The following PRKCI variants were observed in gnomAD, a reference collection of about 807,000 sequenced individuals.
PRKCI encodes the protein protein kinase C iota type.
A neutral mutation model predicts 84.0 loss-of-function variants in PRKCI; 43 were observed. The ratio of observed to expected loss-of-function variants is 0.51; its 90% CI spans 0.40 to 0.66. The LOEUF (loss-of-function observed/expected upper bound fraction) is 0.66. PRKCI is among the 30% of genes least tolerant of loss of function. The pLI, the probability that PRKCI is intolerant of heterozygous loss-of-function variation, is 0.00. For missense variants in PRKCI, 459 were observed against 745.6 expected, an observed-to-expected ratio of 0.62 and a Z score of 4.48; for synonymous variants, 216 against 234.4, an observed-to-expected ratio of 0.92 and a Z score of 0.72.
intron 4 of PRKCI, among the ~76,000 whole-genome samples, chr3:170,267,448 C>T (rs969898680): frequency 2.6e-5 from 4 of 151,660 alleles, no homozygotes; most frequent in Admixed American, 6.6e-5. Flanking sequence ...CCGAGGCGGG[C>T]GGATCATCTG....
intron 8 of PRKCI, among the ~76,000 whole-genome samples, chr3:170,277,576 C>T (rs1472705311): frequency 6.6e-6 from 1 of 151,854 alleles, no homozygotes; most frequent in Non-Finnish European, 1.5e-5. Context: ...CGCCTGTAGT[C>T]CCAGCTGCTC....
intron 6 of PRKCI, among the ~76,000 whole-genome samples, chr3:170,271,826 G>T (rs1458482636): frequency 6.6e-6 from 1 of 151,998 alleles, no homozygotes; most frequent in Non-Finnish European, 1.5e-5. Flanking sequence ...ACATGTGCTT[G>T]CCTGTGTCTT....
intron 17 of PRKCI, among the ~76,000 whole-genome samples, chr3:170,302,544 ACCTCTCC>A (rs1560188750): frequency 6.6e-6 from 1 of 151,794 alleles, no homozygotes; most frequent in African/African-American, 2.4e-5. Context: ...CAAAATGCCA[ACCTCTCC>A]CCTCTCTGTG....
At chr3:170,287,324 AATAT>A (rs67743862) in intron 12 of PRKCI, among the ~76,000 whole-genome samples, 16 of 149,922 alleles carry the variant, frequency 1.1e-4, no homozygotes, top group African/African-American at 3.7e-4. Flanking sequence ...TCCTATCTAA[AATAT>A]ATATATATAT....
chr3:170,262,598 A>T (rs1407710641), intron 3 of PRKCI, among the ~76,000 whole-genome samples: 8 of 152,240 alleles, frequency 5.3e-5, no homozygotes, highest in Admixed American at 2.0e-4. Context: ...CCCGGGCCTC[A>T]GCCTCCTAGG....
intron 12 of PRKCI, 77 bp from the exon 13 acceptor site, chr3:170,291,777 G>C (rs951358882): frequency 1.8e-6 from 2 of 1,113,322 alleles, no homozygotes; most frequent in East Asian, 2.4e-5. Flanking sequence ...GAACTTATAT[G>C]ATAGGTGAAA....
intron 2 of PRKCI, among the ~76,000 whole-genome samples, chr3:170,240,073 G>A (rs1221112748): frequency 6.6e-6 from 1 of 152,016 alleles, no homozygotes; most frequent in Admixed American, 6.6e-5. Context: ...AAGGTGGAAG[G>A]ATTGCTTGAG....
At chr3:170,242,781 C>G (rs1341424191) in intron 2 of PRKCI, among the ~76,000 whole-genome samples, 1 of 151,840 alleles carries the variant, frequency 6.6e-6, no homozygotes, top group African/African-American at 2.4e-5. Flanking sequence ...AGCGATTGTC[C>G]TGCCTCAACC....
Position 170,303,400 on chromosome 3 carries a change from TTTTG to T in PRKCI, c.*277_*280del, listed in dbSNP as rs1734870911. 1 of 255,658 alleles carries T rather than the reference TTTTG, an allele frequency of 3.9e-6. No individual in the cohort carries two copies. The highest frequency in any genetic ancestry group is 6.8e-6 in the Non-Finnish European group (1 of 146,994). 15.8% of individuals were successfully genotyped at this position (255,658 alleles called of 1,614,324 possible). On this transcript the variant is annotated 3_prime_UTR_variant, in exon 18 of 18. Transcript: ENST00000295797. ...TACAGATGAGTAATGAAGTTATCTTTTTTGTTTAAAAAAAAAAAAAACACTGCAT... is the reference window on the plus strand; with the variant it reads ...TACAGATGAGTAATGAAGTTATCTTTTTTAAAAAAAAAAAAAACACTGCAT...
chr3:170,291,428 G>A (rs1734548207), intron 12 of PRKCI, among the ~76,000 whole-genome samples: 1 of 152,164 alleles, frequency 6.6e-6, no homozygotes, highest in Admixed American at 6.5e-5. Flanking sequence ...CAGGCATGAT[G>A]GCTCATGCCT....
chr3:170,251,773 G>C (rs1159437262), intron 2 of PRKCI, among the ~76,000 whole-genome samples: 1 of 152,040 alleles, frequency 6.6e-6, no homozygotes, highest in Non-Finnish European at 1.5e-5. Context: ...AGCTGGGCAT[G>C]GTGGTGGGCG....
intron 5 of PRKCI, among the ~76,000 whole-genome samples, chr3:170,268,918 T>TA (rs201457231): frequency 0.014 from 2,052 of 148,840 alleles, 48 homozygotes; most frequent in African/African-American, 0.05. Flanking sequence ...ATTTATTTAT[T>TA]TTTTTTTTAT....
chr3:170,233,668 G>T (rs547706731), intron 1 of PRKCI, among the ~76,000 whole-genome samples: 3 of 152,162 alleles, frequency 2.0e-5, no homozygotes, highest in Non-Finnish European at 4.4e-5. Context: ...AACTTAAGGA[G>T]TGGTAGTTGA....
chr3:170,238,822 C>G (rs1733048074), intron 2 of PRKCI, among the ~76,000 whole-genome samples: 1 of 152,108 alleles, frequency 6.6e-6, no homozygotes, highest in African/African-American at 2.4e-5. Context: ...GAACTCTGGC[C>G]TCAAGTGATC....
chr3:170,249,576 C>A (rs535173262), intron 2 of PRKCI, among the ~76,000 whole-genome samples: 140 of 151,940 alleles, frequency 9.2e-4, no homozygotes, highest in African/African-American at 3.4e-3. Context: ...ATTGCTTGAG[C>A]CTAGGAGTTT....
At chr3:170,259,162 A>G (rs1229354427) in intron 2 of PRKCI, among the ~76,000 whole-genome samples, 1 of 152,116 alleles carries the variant, frequency 6.6e-6, no homozygotes, top group African/African-American at 2.4e-5. Context: ...AAGAAAAAAA[A>G]TGTGGTCAGG....
At chr3:170,283,960 A>C (rs1394203155) in intron 11 of PRKCI, among the ~76,000 whole-genome samples, 1 of 152,098 alleles carries the variant, frequency 6.6e-6, no homozygotes, top group Non-Finnish European at 1.5e-5. Flanking sequence ...TAGTTGTAGA[A>C]TATTTTCATT....
At chr3:170,262,997 C>T (rs1470460293) in intron 3 of PRKCI, among the ~76,000 whole-genome samples, 1 of 151,538 alleles carries the variant, frequency 6.6e-6, no homozygotes, top group African/African-American at 2.4e-5. Flanking sequence ...GGTGAAACCC[C>T]GTCTCTACTA....
intron 6 of PRKCI, 67 bp from the exon 7 acceptor site, chr3:170,273,219 A>T: frequency 3.9e-6 from 5 of 1,267,566 alleles, no homozygotes; most frequent in Non-Finnish European, 5.7e-6. Context: ...GTGTTGTTGA[A>T]ATAGTGTTAT....
Sources: gnomAD v4.1 joint callset for allele counts (sites outside exome capture counted in the v4.1 genomes callset) on GRCh38, gnomAD v4.1.1 for gene constraint, MANE v1.5 for transcripts, NCBI Gene and HGNC (gene_info 2026-07-23, HGNC 2026-07-21) for gene names.